The following ADAMTSL3 variants were observed in gnomAD, a reference collection of about 807,000 sequenced individuals.
The protein encoded by ADAMTSL3 is ADAMTS like 3, also known as ADAMTS-like protein 3.
A neutral mutation model predicts 201.7 loss-of-function variants in ADAMTSL3; 128 were observed. The ratio of observed to expected loss-of-function variants is 0.63; its 90% CI spans 0.55 to 0.73. The LOEUF (loss-of-function observed/expected upper bound fraction) is 0.73, where lower values mean the gene tolerates loss of function less well. Ranked by LOEUF, ADAMTSL3 falls within the 30% of genes least tolerant of loss-of-function variation. ADAMTSL3 has a pLI of 0.00. For missense variants in ADAMTSL3, 1,990 were observed against 2,119.6 expected (o/e 0.94, Z 1.20); for synonymous variants, 738 against 748.4 (o/e 0.99, Z 0.23).
intron 23 of ADAMTSL3, among the ~76,000 whole-genome samples, chr15:84,014,318 G>A (rs1451768326): frequency 1.3e-5 from 2 of 152,074 alleles, no homozygotes; most frequent in Non-Finnish European, 1.5e-5. Flanking sequence ...TAACTTATAT[G>A]TGTAAACCAG....
intron 2 of ADAMTSL3, among the ~76,000 whole-genome samples, chr15:83,667,086 C>T (rs531279468): frequency 6.6e-6 from 1 of 152,086 alleles, no homozygotes; most frequent in South Asian, 2.1e-4. Flanking sequence ...TTTTTTAACT[C>T]TCTACTTTTG....
chr15:83,778,763 A>C (rs1393539590), intron 4 of ADAMTSL3, among the ~76,000 whole-genome samples: 1 of 152,226 alleles, frequency 6.6e-6, no homozygotes, highest in Non-Finnish European at 1.5e-5. Flanking sequence ...ATCCGTACAT[A>C]TCAATACTAA....
intron 2 of ADAMTSL3, among the ~76,000 whole-genome samples, chr15:83,661,879 C>T (rs12148873): frequency 0.54 from 73,779 of 137,020 alleles, 20,422 homozygotes; most frequent in East Asian, 0.71. Context: ...TGAGATACCA[C>T]CTCACACCAG....
intron 21 of ADAMTSL3, among the ~76,000 whole-genome samples, chr15:83,984,442 T>G (rs2067440185): frequency 6.6e-6 from 1 of 152,236 alleles, no homozygotes; most frequent in South Asian, 2.1e-4. Flanking sequence ...TTTTTGAATT[T>G]TTAATGCTAG....
chr15:83,689,322 C>G (rs1295987615), intron 2 of ADAMTSL3, among the ~76,000 whole-genome samples: 2 of 152,156 alleles, frequency 1.3e-5, no homozygotes. Flanking sequence ...TGTGAAGCTT[C>G]TTGTATGACT....
intron 17 of ADAMTSL3, among the ~76,000 whole-genome samples, chr15:83,927,068 G>T (rs933756451): frequency 6.6e-6 from 1 of 151,812 alleles, no homozygotes; most frequent in Admixed American, 6.6e-5. Flanking sequence ...CCAGTATTTT[G>T]CAGAGCAGTT....
At chr15:83,877,829 G>A (rs144725693) in intron 9 of ADAMTSL3, among the ~76,000 whole-genome samples, 12 of 151,888 alleles carry the variant, frequency 7.9e-5, no homozygotes, top group Non-Finnish European at 1.8e-4. Context: ...TCAGGTGTTG[G>A]TTATTTTGAT....
chr15:83,914,848 G>GTTTT, intron 16 of ADAMTSL3, among the ~76,000 whole-genome samples: 1 of 68,484 alleles, frequency 1.5e-5, no homozygotes, highest in East Asian at 5.0e-4. Flanking sequence ...TGTTTGTTTG[G>GTTTT]TTTTGTTTGT....
chr15:83,800,623 A>C (rs2063501574), intron 4 of ADAMTSL3, among the ~76,000 whole-genome samples: 1 of 152,194 alleles, frequency 6.6e-6, no homozygotes, highest in African/African-American at 2.4e-5. Flanking sequence ...ATTTCTGAAA[A>C]TGTTTAAAGA....
intron 6 of ADAMTSL3, among the ~76,000 whole-genome samples, chr15:83,826,617 C>T (rs2064028485): frequency 6.6e-6 from 1 of 151,230 alleles, no homozygotes; most frequent in African/African-American, 2.4e-5. Flanking sequence ...CCCATTAACT[C>T]GTCATTTACA....
intron 3 of ADAMTSL3, among the ~76,000 whole-genome samples, chr15:83,706,495 C>G (rs1300892818): frequency 1.3e-5 from 2 of 152,078 alleles, no homozygotes; most frequent in African/African-American, 4.8e-5. Flanking sequence ...TATAACAAGC[C>G]AATAATAGCA....
chr15:83,930,853 G>A (rs1045499608), intron 17 of ADAMTSL3, among the ~76,000 whole-genome samples: 2 of 152,212 alleles, frequency 1.3e-5, no homozygotes, highest in Non-Finnish European at 2.9e-5. Context: ...CAGGAACAGT[G>A]TGTTGCATAA....
intron 3 of ADAMTSL3, among the ~76,000 whole-genome samples, chr15:83,750,195 T>C (rs1322038811): frequency 6.6e-6 from 1 of 152,210 alleles, no homozygotes; most frequent in Non-Finnish European, 1.5e-5. Flanking sequence ...AAGGGTTTTG[T>C]TTCTTAATCA....
chr15:83,821,318 T>C (rs2063861216), intron 6 of ADAMTSL3, among the ~76,000 whole-genome samples: 1 of 149,836 alleles, frequency 6.7e-6, no homozygotes, highest in Non-Finnish European at 1.5e-5. Context: ...CATAGGACAA[T>C]AGTGGAGGGA....
intron 19 of ADAMTSL3, among the ~76,000 whole-genome samples, chr15:83,948,009 T>A (rs376689641): frequency 5.3e-4 from 80 of 152,316 alleles, no homozygotes; most frequent in African/African-American, 1.8e-3. Flanking sequence ...TCACCTCCTA[T>A]ATTGTTATTC....
At position 83,938,284 on chromosome 15, in the gene ADAMTSL3, C is replaced by T. The variant is rs529647614; in HGVS notation, c.2118-4312C>T. Among the ~76,000 whole-genome samples the T allele has an allele frequency of 3.9e-5, 6 of 152,310 alleles. No homozygotes were observed. In the South Asian group the frequency reaches 6.2e-4, roughly 16 times the overall value. ...TGCCTGGTCCCATATACCACTTCCACTCGGTGGTGGGCCACTGCTGGTCAC... is the reference window on the plus strand; with the variant it reads ...TGCCTGGTCCCATATACCACTTCCATTCGGTGGTGGGCCACTGCTGGTCAC... On this transcript the variant is annotated intron_variant, in intron 17 of 29. Coordinates refer to ENST00000286744, the MANE Select transcript of ADAMTSL3 (RefSeq NM_207517.3).
intron 3 of ADAMTSL3, among the ~76,000 whole-genome samples, chr15:83,715,211 G>T (rs1212486664): frequency 1.3e-5 from 2 of 152,140 alleles, no homozygotes; most frequent in Non-Finnish European, 2.9e-5. Context: ...TGAGCCTCAT[G>T]TCCCTGGGGT....
rs1596397090 is a variant in ADAMTSL3, at chr15:83,913,346, G to C, written c.1955G>C (p.Gly652Ala). ...SETTYDWEYA[G>A]FTPCTATCVG... ...ACGACTTACGACTGGGAGTACGCTG[G>C]GTTCACCCCTTGCACAGCAACATGC... Residue 652 changes from glycine (G) to alanine (A), a missense_variant, in exon 16 of 30, where the codon GGG becomes GCG. Gly to Ala is a moderately conservative substitution (Grantham distance 60). Coordinates refer to ENST00000286744, the MANE Select transcript of ADAMTSL3 (RefSeq NM_207517.3). 1.2e-6 allele frequency: 2 copies of C among 1,613,588 alleles called. No individual in the cohort carries two copies. Among genetic ancestry groups the C allele is most frequent in the East Asian group, 4.5e-5 (2 of 44,872 alleles).
intron 8 of ADAMTSL3, among the ~76,000 whole-genome samples, chr15:83,864,130 C>T (rs559906289): frequency 1.4e-4 from 21 of 152,150 alleles, no homozygotes; most frequent in African/African-American, 5.1e-4. Context: ...AATAGCCTAC[C>T]AACCAAAAAA....
Sources: gnomAD v4.1 joint callset for allele counts (sites outside exome capture counted in the v4.1 genomes callset) on GRCh38, gnomAD v4.1.1 for gene constraint, MANE v1.5 for transcripts, NCBI Gene and HGNC (gene_info 2026-07-23, HGNC 2026-07-21) for gene names.